The following L3MBTL4 variants were observed in gnomAD, a reference collection of about 807,000 sequenced individuals.
L3MBTL4 encodes L3MBTL histone methyl-lysine binding protein 4.
In L3MBTL4, 70 loss-of-function variants were observed where a neutral mutation model predicts 84.5. The observed-to-expected ratio is 0.83, with a 90% confidence interval of 0.68 to 1.01. The LOEUF (loss-of-function observed/expected upper bound fraction) is 1.01, where lower values mean the gene tolerates loss of function less well. Among genes scored for constraint, L3MBTL4 ranks in the 50% least tolerant of loss-of-function variants. L3MBTL4 has a pLI of 0.00. For missense variants in L3MBTL4, 715 were observed against 754.8 expected (o/e 0.95, Z 0.62); for synonymous variants, 274 against 259.8 (o/e 1.05, Z -0.52).
At chr18:6,000,773 T>C (rs1372321811) in intron 16 of L3MBTL4, among the ~76,000 whole-genome samples, 2 of 152,184 alleles carry the variant, frequency 1.3e-5, no homozygotes, top group African/African-American at 2.4e-5. Flanking sequence ...AGCTTAAAGA[T>C]AAACACTCAT....
intron 16 of L3MBTL4, among the ~76,000 whole-genome samples, chr18:6,038,491 T>C (rs1014301075): frequency 2.0e-5 from 3 of 152,040 alleles, no homozygotes; most frequent in Admixed American, 6.6e-5. Context: ...CCTGACCTCA[T>C]GATCCTCCTG....
chr18:6,129,938 T>G (rs528613323), intron 14 of L3MBTL4, among the ~76,000 whole-genome samples: 2 of 152,344 alleles, frequency 1.3e-5, no homozygotes, highest in African/African-American at 4.8e-5. Context: ...ATGTCTGTTT[T>G]GCCTGTTTAC....
chr18:6,055,803 G>C (rs1302441500), intron 16 of L3MBTL4, among the ~76,000 whole-genome samples: 2 of 152,174 alleles, frequency 1.3e-5, no homozygotes, highest in Non-Finnish European at 2.9e-5. Flanking sequence ...CAGATTCTCA[G>C]ACCCCCAGGG....
At chr18:6,135,677 G>A (rs1233374558) in intron 14 of L3MBTL4, among the ~76,000 whole-genome samples, 1 of 152,134 alleles carries the variant, frequency 6.6e-6, no homozygotes, top group African/African-American at 2.4e-5. Context: ...CTCCATCTGA[G>A]ACCACCTCAG....
chr18:6,052,150 G>T (rs1213019826), intron 16 of L3MBTL4, among the ~76,000 whole-genome samples: 1 of 152,166 alleles, frequency 6.6e-6, no homozygotes, highest in African/African-American at 2.4e-5. Context: ...GAAATATTTA[G>T]TAATGACTAA....
At chr18:6,149,052 T>A (rs931709419) in intron 13 of L3MBTL4, among the ~76,000 whole-genome samples, 2 of 152,100 alleles carry the variant, frequency 1.3e-5, no homozygotes, top group Admixed American at 6.5e-5. Flanking sequence ...TAAAAATTTT[T>A]TTATTATTAT....
At chr18:6,070,207 A>G (rs1397129288) in intron 16 of L3MBTL4, among the ~76,000 whole-genome samples, 1 of 152,220 alleles carries the variant, frequency 6.6e-6, no homozygotes, top group Non-Finnish European at 1.5e-5. Context: ...TTTAAGCACT[A>G]TGAATCCTAA....
intron 3 of L3MBTL4, among the ~76,000 whole-genome samples, chr18:6,305,640 A>G (rs1199209975): frequency 1.3e-5 from 2 of 152,244 alleles, no homozygotes; most frequent in Non-Finnish European, 2.9e-5. Flanking sequence ...GCGTTCTGAA[A>G]AACAGGGAGA....
intron 14 of L3MBTL4, among the ~76,000 whole-genome samples, chr18:6,101,242 AG>A (rs1568121937): frequency 6.6e-6 from 1 of 152,180 alleles, no homozygotes; most frequent in Non-Finnish European, 1.5e-5. Context: ...ATGAGGAGAA[AG>A]AAAACACAGG....
chr18:6,049,044 G>C (rs767933635), intron 16 of L3MBTL4, among the ~76,000 whole-genome samples: 1 of 152,140 alleles, frequency 6.6e-6, no homozygotes, highest in African/African-American at 2.4e-5. Flanking sequence ...CCAGCACTCA[G>C]GGAGGCAGAG....
intron 1 of L3MBTL4, among the ~76,000 whole-genome samples, chr18:6,406,403 T>TA (rs1270879785): frequency 1.3e-5 from 2 of 148,690 alleles, no homozygotes; most frequent in African/African-American, 2.4e-5. Flanking sequence ...TTTGAATTGA[T>TA]AAAAAGTTCC....
At position 6,037,547 on chromosome 18, in the gene L3MBTL4, G is replaced by A. The variant is rs1400352083; in HGVS notation, c.1444+43334C>T. 3.3e-5 allele frequency among the ~76,000 whole-genome samples: 5 copies of A among 152,156 alleles called. No individual in the cohort carries two copies. The East Asian group carries it at 7.7e-4, about 23-fold the overall frequency. ...GAAATTCATTAAAAAAGGCCACCAC[G>A]CTCTACATGGAAATTTGTGCAGGGC... On this transcript the variant is annotated intron_variant, in intron 16 of 18. Coordinates refer to ENST00000317931, the MANE Select transcript of L3MBTL4 (RefSeq NM_001330559.2).
chr18:6,163,625 C>A (rs1350522486), intron 13 of L3MBTL4, among the ~76,000 whole-genome samples: 1 of 152,108 alleles, frequency 6.6e-6, no homozygotes, highest in Non-Finnish European at 1.5e-5. Context: ...TCTGTGAATA[C>A]ACAAAATACA....
chr18:6,314,169 C>T (rs1321474067), intron 1 of L3MBTL4, among the ~76,000 whole-genome samples: 2 of 152,010 alleles, frequency 1.3e-5, no homozygotes, highest in East Asian at 1.9e-4. Context: ...TCTACTCAAC[C>T]GAATAGGACA....
chr18:6,210,125 C>T (rs184465107), intron 12 of L3MBTL4, among the ~76,000 whole-genome samples: 6 of 152,170 alleles, frequency 3.9e-5, no homozygotes, highest in African/African-American at 9.6e-5. Flanking sequence ...TTTTAAGGTA[C>T]GTGAATTGTA....
At chr18:6,008,473 C>G (rs1455153223) in intron 16 of L3MBTL4, among the ~76,000 whole-genome samples, 1 of 152,162 alleles carries the variant, frequency 6.6e-6, no homozygotes, top group Non-Finnish European at 1.5e-5. Context: ...TGAGGAAGCC[C>G]TGTGAGGAGA....
chr18:5,994,380 T>A (rs1250476520), intron 16 of L3MBTL4, among the ~76,000 whole-genome samples: 1 of 152,200 alleles, frequency 6.6e-6, no homozygotes, highest in Non-Finnish European at 1.5e-5. Context: ...TTGATATCTC[T>A]CAGACACCTT....
At chr18:6,312,741 T>A (rs1007904717) in intron 1 of L3MBTL4, among the ~76,000 whole-genome samples, 7 of 152,248 alleles carry the variant, frequency 4.6e-5, no homozygotes, top group Non-Finnish European at 8.8e-5. Flanking sequence ...CATATTGTCA[T>A]CAGGTTTTGT....
chr18:6,076,622 G>A (rs1246079492), intron 16 of L3MBTL4, among the ~76,000 whole-genome samples: 2 of 152,104 alleles, frequency 1.3e-5, no homozygotes, highest in Non-Finnish European at 2.9e-5. Context: ...ATCAATAAGT[G>A]AGGGAGGAAA....
Sources: gnomAD v4.1 joint callset for allele counts (sites outside exome capture counted in the v4.1 genomes callset) on GRCh38, gnomAD v4.1.1 for gene constraint, MANE v1.5 for transcripts, NCBI Gene and HGNC (gene_info 2026-07-23, HGNC 2026-07-21) for gene names.